Variants in KCNMB4 observed in about 807,000 individuals in gnomAD.
KCNMB4 encodes the protein calcium-activated potassium channel subunit beta-4.
KCNMB4 carries 3 observed loss-of-function variants against 20.7 expected under a neutral mutation model. The observed-to-expected ratio is 0.14, with a 90% CI of 0.07 to 0.37. KCNMB4 has a LOEUF of 0.37. Ranked by LOEUF, KCNMB4 falls within the 10% of genes least tolerant of loss-of-function variation. The probability of loss-of-function intolerance (pLI) is 1.00; values close to 1 mark genes in which losing one functional copy is unlikely to be tolerated. For synonymous variants in KCNMB4, 110 were observed against 113.4 expected, an observed-to-expected ratio of 0.97 and a Z score of 0.19; for missense variants, 168 against 265.9, an observed-to-expected ratio of 0.63 and a Z score of 2.56.
At position 70,430,658 on chromosome 12, in the gene KCNMB4, G is replaced by C; in HGVS notation, c.*5G>C. The C allele has an allele frequency of 6.2e-7, 1 of 1,603,210 alleles. No individual in the cohort carries two copies. Among genetic ancestry groups the C allele is most frequent in the South Asian group, 1.1e-5 (1 of 89,000 alleles). On this transcript the variant is annotated 3_prime_UTR_variant, in exon 3 of 3. Coordinates refer to ENST00000258111, the MANE Select transcript of KCNMB4 (RefSeq NM_014505.6). ...AAGAAGCGCAAGTTCTCTTAAAGGG[G>C]AAGGAGGCTTGTAGAAAGCAAAGTA... is the stretch of plus-strand genomic sequence containing the variant.
chr12:70,392,790 T>G (rs1206960512), intron 1 of KCNMB4, among the ~76,000 whole-genome samples: 1 of 151,786 alleles, frequency 6.6e-6, no homozygotes, highest in Non-Finnish European at 1.5e-5. Flanking sequence ...AATGAGAACA[T>G]AGGGACATAG....
intron 2 of KCNMB4, among the ~76,000 whole-genome samples, chr12:70,404,549 T>C (rs1868542655): frequency 6.6e-6 from 1 of 152,220 alleles, no homozygotes; most frequent in African/African-American, 2.4e-5. Flanking sequence ...ATCCAGTTAG[T>C]CTGATTCCCA....
chr12:70,404,061 T>C (rs899356732), intron 2 of KCNMB4, among the ~76,000 whole-genome samples: 2 of 152,228 alleles, frequency 1.3e-5, no homozygotes, highest in African/African-American at 4.8e-5. Flanking sequence ...AGACTGAACA[T>C]TGAGGTGGCA....
chr12:70,403,247 T>G (rs867467973), intron 2 of KCNMB4, among the ~76,000 whole-genome samples: 3 of 152,150 alleles, frequency 2.0e-5, no homozygotes, highest in African/African-American at 7.2e-5. Context: ...AGTCATAATA[T>G]TCCATAGGCT....
rs935522208 is a variant in KCNMB4, at chr12:70,429,527, C to T, written c.465-958C>T. ...TAAAAATACAAAAAAATTAGCTGGA[C>T]GTGGTGGCGGGCGCCTGTAGTCCCA... On this transcript the variant is annotated intron_variant, in intron 2 of 2. Coordinates refer to ENST00000258111, the MANE Select transcript of KCNMB4 (RefSeq NM_014505.6). Among the ~76,000 whole-genome samples the T allele has an allele frequency of 3.3e-5, 5 of 151,990 alleles. No homozygotes were observed. The South Asian group carries it at 6.2e-4, about 19-fold the overall frequency.
chr12:70,377,165 C>T (rs150397139), intron 1 of KCNMB4, among the ~76,000 whole-genome samples: 57 of 152,084 alleles, frequency 3.7e-4, no homozygotes, highest in African/African-American at 1.1e-3. Context: ...CATAAATTGA[C>T]GAGCTGATTC....
chr12:70,425,585 A>T (rs1266429213), intron 2 of KCNMB4, among the ~76,000 whole-genome samples: 1 of 152,184 alleles, frequency 6.6e-6, no homozygotes, highest in Non-Finnish European at 1.5e-5. Flanking sequence ...TTGTTTATAC[A>T]CTTGACATTT....
intron 1 of KCNMB4, among the ~76,000 whole-genome samples, chr12:70,377,519 A>G (rs1166367190): frequency 1.3e-5 from 2 of 152,174 alleles, no homozygotes; most frequent in African/African-American, 4.8e-5. Context: ...TCATGCCTCG[A>G]TGTTGATGGT....
chr12:70,373,229 A>G (rs1409691977), intron 1 of KCNMB4, among the ~76,000 whole-genome samples: 2 of 152,224 alleles, frequency 1.3e-5, no homozygotes, highest in African/African-American at 4.8e-5. Context: ...TATGTCACAT[A>G]GCAAAGAGAA....
At chr12:70,416,919 T>C (rs916347910) in intron 2 of KCNMB4, among the ~76,000 whole-genome samples, 1 of 152,150 alleles carries the variant, frequency 6.6e-6, no homozygotes, top group Non-Finnish European at 1.5e-5. Context: ...TTTAATGAAA[T>C]AGGCTGTTAA....
chr12:70,396,379 C>A (rs1353592656), intron 1 of KCNMB4, among the ~76,000 whole-genome samples: 1 of 152,174 alleles, frequency 6.6e-6, no homozygotes, highest in Non-Finnish European at 1.5e-5. Context: ...AATCTCAGCT[C>A]ACTGCAGCCT....
chr12:70,371,388 C>G (rs1593319209), intron 1 of KCNMB4, among the ~76,000 whole-genome samples: 1 of 152,312 alleles, frequency 6.6e-6, no homozygotes, highest in South Asian at 2.1e-4. Flanking sequence ...TAGGCCCTCT[C>G]CACATCCACT....
At chr12:70,426,638 A>G (rs1227739733) in intron 2 of KCNMB4, among the ~76,000 whole-genome samples, 2 of 152,250 alleles carry the variant, frequency 1.3e-5, no homozygotes, top group Non-Finnish European at 2.9e-5. Flanking sequence ...ACAGGGTTTC[A>G]AATCATGTCA....
At chr12:70,382,952 T>C (rs901789552) in intron 1 of KCNMB4, among the ~76,000 whole-genome samples, 2 of 152,238 alleles carry the variant, frequency 1.3e-5, no homozygotes, top group African/African-American at 4.8e-5. Context: ...GGCTATATGA[T>C]ATAGCCTATT....
At chr12:70,376,114 A>G (rs2136116683) in intron 1 of KCNMB4, among the ~76,000 whole-genome samples, 1 of 150,866 alleles carries the variant, frequency 6.6e-6, no homozygotes, top group South Asian at 2.1e-4. Context: ...GTATATGGAG[A>G]AAAAAACATT....
At chr12:70,398,977 G>A (rs2136128907) in intron 1 of KCNMB4, among the ~76,000 whole-genome samples, 1 of 152,292 alleles carries the variant, frequency 6.6e-6, no homozygotes, top group South Asian at 2.1e-4. Flanking sequence ...TTAAAATAAA[G>A]GAGATTTAGG....
chr12:70,400,164 G>T (rs201392498), intron 1 of KCNMB4, 45 bp from the exon 2 acceptor site: 259 of 1,445,328 alleles, frequency 1.8e-4, no homozygotes, highest in Middle Eastern at 3.7e-4. Context: ...GTATCTCAAT[G>T]TTCCATAAAA....
Position 70,366,908 on chromosome 12 carries a change from G to C in KCNMB4, c.174G>C (p.Ser58=), listed in dbSNP as rs1250502572. Residue 58 remains serine, a synonymous_variant, in exon 1 of 3, where the codon TCG becomes TCC. Transcript: ENST00000258111. ...CGGAGGCCAATTGCACGGTGCTGTC[G>C]GTGCAGCAGATCGGCGAGGTGTTCG... ...QATEANCTVL[S]VQQIGEVFEC... The C allele has an allele frequency of 6.2e-7, 1 of 1,613,418 alleles. No individual in the cohort carries two copies. Among genetic ancestry groups the C allele is most frequent in the Admixed American group, 1.7e-5 (1 of 59,974 alleles).
At chr12:70,398,877 G>GT (rs373279821) in intron 1 of KCNMB4, among the ~76,000 whole-genome samples, 1 of 152,260 alleles carries the variant, frequency 6.6e-6, no homozygotes, top group Middle Eastern at 3.4e-3. Context: ...ATCACGTGGC[G>GT]TGAGTCCCAT....
Sources: allele counts gnomAD v4.1 joint callset (sites outside exome capture counted in the v4.1 genomes callset), GRCh38; gene constraint gnomAD v4.1.1; transcripts MANE v1.5; gene names NCBI Gene and HGNC (gene_info 2026-07-23, HGNC 2026-07-21).